The following TMC7 variants were observed in gnomAD, a reference collection of about 807,000 sequenced individuals.
The protein encoded by TMC7 is transmembrane channel-like protein 7.
In TMC7, 54 loss-of-function variants were observed where a neutral mutation model predicts 82.9. The ratio of observed to expected loss-of-function variants is 0.65; its 90% CI spans 0.52 to 0.82. The LOEUF (loss-of-function observed/expected upper bound fraction) is 0.82. Ranked by LOEUF, TMC7 falls within the 40% of genes least tolerant of loss-of-function variation. The pLI is 0.00. For synonymous variants in TMC7, 350 were observed against 337.9 expected (o/e 1.04, Z -0.39); for missense variants, 820 against 901.2 (o/e 0.91, Z 1.15).
At chr16:19,018,620 T>C (rs1285250304) in intron 3 of TMC7, among the ~76,000 whole-genome samples, 1 of 152,042 alleles carries the variant, frequency 6.6e-6, no homozygotes, top group African/African-American at 2.4e-5. Context: ...ATAGCAAGTA[T>C]GCAAAAATGG....
At chr16:19,050,195 C>T (rs1164391153) in intron 12 of TMC7, among the ~76,000 whole-genome samples, 1 of 151,606 alleles carries the variant, frequency 6.6e-6, no homozygotes, top group Non-Finnish European at 1.5e-5. Context: ...CACGGTGAAA[C>T]CCCATCTCTA....
chr16:19,034,369 C>T (rs1398642570), intron 6 of TMC7, among the ~76,000 whole-genome samples: 4 of 151,958 alleles, frequency 2.6e-5, no homozygotes, highest in South Asian at 2.1e-4. Context: ...GAGGCCGAGG[C>T]GGATGGATGA....
At chr16:19,010,021 C>T (rs1394059283) in intron 2 of TMC7, among the ~76,000 whole-genome samples, 1 of 130,394 alleles carries the variant, frequency 7.7e-6, no homozygotes, top group African/African-American at 2.7e-5. Flanking sequence ...CTCCCTTCCT[C>T]CCTCCCTCCC....
chr16:19,015,144 A>G lies in TMC7; in HGVS notation c.312-1306A>G, dbSNP rs577443681. Among the ~76,000 whole-genome samples the G allele has an allele frequency of 7.4e-4, 113 of 151,868 alleles. 1 individual carries two copies. The highest frequency in any genetic ancestry group is 2.9e-4 in the Non-Finnish European group (20 of 67,934). ...ATGCCCACCTAATTTTGGTATTTTC[A>G]GTAGAGACGGGGTTTCGCCATGTTG... On this transcript the variant is annotated intron_variant, in intron 2 of 15. Transcript: ENST00000304381.
intron 1 of TMC7, among the ~76,000 whole-genome samples, chr16:18,996,219 A>C (rs183042626): frequency 4.3e-4 from 66 of 152,076 alleles, no homozygotes; most frequent in African/African-American, 1.6e-3. Flanking sequence ...GGAGAAGGGG[A>C]GAGGTCAGAT....
intron 1 of TMC7, among the ~76,000 whole-genome samples, chr16:19,006,515 C>T (rs560668255): frequency 1.2e-4 from 19 of 152,268 alleles, no homozygotes; most frequent in African/African-American, 4.6e-4. Flanking sequence ...AGTCAAAGCA[C>T]AACATCCCAA....
At chr16:18,990,689 G>T (rs1175130431) in intron 1 of TMC7, among the ~76,000 whole-genome samples, 1 of 152,208 alleles carries the variant, frequency 6.6e-6, no homozygotes, top group Non-Finnish European at 1.5e-5. Flanking sequence ...GGAGTTAAGA[G>T]CAATGTTTTC....
chr16:18,984,313 C>T, intron 1 of TMC7, 183 bp downstream of exon 1: 1 of 1,312,770 alleles, frequency 7.6e-7, no homozygotes, highest in South Asian at 2.1e-5. Context: ...CCTCCACAAA[C>T]GCGTCCTCAT....
chr16:19,048,601 A>G (rs981268682), intron 12 of TMC7, among the ~76,000 whole-genome samples: 1 of 151,564 alleles, frequency 6.6e-6, no homozygotes, highest in African/African-American at 2.4e-5. Context: ...TTGTATTTTT[A>G]TTAGAGAGAG....
intron 1 of TMC7, among the ~76,000 whole-genome samples, chr16:18,985,845 G>C (rs1461144559): frequency 6.6e-6 from 1 of 151,916 alleles, no homozygotes; most frequent in Non-Finnish European, 1.5e-5. Flanking sequence ...CGGGGGATGG[G>C]GGAGGCGACA....
At position 19,056,530 on chromosome 16, in the gene TMC7, G is replaced by A. The variant is rs754733983; in HGVS notation, c.1872-12G>A. On this transcript the variant is annotated splice_polypyrimidine_tract_variant and intron_variant, in intron 13 of 15. Coordinates refer to ENST00000304381, the MANE Select transcript of TMC7 (RefSeq NM_024847.4). ...ACGCTCCTTCTGAGCCCGTTGGTCT[G>A]TGTCCTGGCAGCATCCCTTCCTCGA... 6.2e-7 allele frequency: 1 copy of A among 1,612,160 alleles called. No individual in the cohort carries two copies. The highest frequency in any genetic ancestry group is 8.5e-7 in the Non-Finnish European group (1 of 1,179,032).
At position 19,059,527 on chromosome 16, in the gene TMC7, G is replaced by A. The variant is rs376847123; in HGVS notation, c.2106+33G>A. 3.1e-6 allele frequency: 5 copies of A among 1,613,992 alleles called. No individual in the cohort carries two copies. The African/African-American group carries it at 4.0e-5, about 13-fold the overall frequency. ...AGCATAGCTCCAGAGGGTCATGGCT[G>A]GGGACATTTACCCAGGACACTGCAA... is the stretch of plus-strand genomic sequence containing the variant. On this transcript the variant is annotated intron_variant, in intron 15 of 15. Coordinates refer to ENST00000304381, the MANE Select transcript of TMC7 (RefSeq NM_024847.4).
intron 1 of TMC7, among the ~76,000 whole-genome samples, chr16:19,000,835 A>C (rs988900670): frequency 7.9e-5 from 12 of 152,132 alleles, no homozygotes; most frequent in African/African-American, 2.4e-4. Flanking sequence ...TCTGGGCAAT[A>C]TGGTAAAACC....
At chr16:19,012,010 T>G (rs1296285602) in intron 2 of TMC7, 2 of 151,752 alleles carry the variant, frequency 1.3e-5, no homozygotes, top group Non-Finnish European at 2.9e-5. Flanking sequence ...GGCATGGTGG[T>G]GCACTCCTGT....
intron 12 of TMC7, among the ~76,000 whole-genome samples, chr16:19,050,121 C>T (rs1961458806): frequency 6.6e-6 from 1 of 151,906 alleles, no homozygotes; most frequent in African/African-American, 2.4e-5. Flanking sequence ...CCTGTAATCC[C>T]AGCACTTTGG....
intron 1 of TMC7, among the ~76,000 whole-genome samples, chr16:19,007,016 G>T (rs918279332): frequency 6.6e-6 from 1 of 151,356 alleles, no homozygotes; most frequent in African/African-American, 2.4e-5. Context: ...GTAGAGATGG[G>T]ATTTCACCAT....
chr16:18,988,707 G>C (rs1361505776), intron 1 of TMC7, among the ~76,000 whole-genome samples: 2 of 152,222 alleles, frequency 1.3e-5, no homozygotes, highest in Non-Finnish European at 2.9e-5. Context: ...TTACGGGCAT[G>C]ACTGCATGTG....
chr16:19,040,923 C>T (rs1441426912), intron 9 of TMC7, among the ~76,000 whole-genome samples: 1 of 143,242 alleles, frequency 7.0e-6, no homozygotes, highest in East Asian at 2.0e-4. Flanking sequence ...TGGGGTCTTA[C>T]TCTGTCCCCC....
intron 2 of TMC7, among the ~76,000 whole-genome samples, chr16:19,013,779 A>T (rs1029525892): frequency 4.6e-5 from 7 of 151,358 alleles, no homozygotes; most frequent in African/African-American, 1.7e-4. Flanking sequence ...TTGGCCTCCC[A>T]AAGTGCTGGG....
Sources: gnomAD v4.1 joint callset for allele counts (sites outside exome capture counted in the v4.1 genomes callset) on GRCh38, gnomAD v4.1.1 for gene constraint, MANE v1.5 for transcripts, NCBI Gene and HGNC (gene_info 2026-07-23, HGNC 2026-07-21) for gene names.